The following CDH2 variants were observed in gnomAD, a reference collection of about 807,000 sequenced individuals.
The protein encoded by CDH2 is cadherin-2.
A neutral mutation model predicts 92.0 loss-of-function variants in CDH2; 17 were observed. The observed-to-expected ratio is 0.18, with a 90% CI of 0.13 to 0.28. The LOEUF is 0.28. Ranked by LOEUF, CDH2 falls within the 10% of genes least tolerant of loss-of-function variation. The probability of loss-of-function intolerance (pLI) is 1.00; values close to 1 mark genes in which losing one functional copy is unlikely to be tolerated. For synonymous variants in CDH2, 419 were observed against 415.9 expected (o/e 1.01, Z -0.09); for missense variants, 862 against 1,133.1 (o/e 0.76, Z 3.44).
intron 4 of CDH2, among the ~76,000 whole-genome samples, chr18:28,011,189 G>T (rs190567368): frequency 4.1e-4 from 62 of 151,924 alleles, no homozygotes; most frequent in African/African-American, 1.4e-3. Flanking sequence ...GAATACAGCA[G>T]CCTTGTCTTA....
At chr18:28,121,235 T>G (rs1024584521) in intron 2 of CDH2, among the ~76,000 whole-genome samples, 1 of 152,122 alleles carries the variant, frequency 6.6e-6, no homozygotes, top group South Asian at 2.1e-4. Context: ...ACAAATGACA[T>G]GAGAAAACAT....
intron 2 of CDH2, among the ~76,000 whole-genome samples, chr18:28,104,205 G>C (rs1288406473): frequency 6.6e-6 from 1 of 151,902 alleles, no homozygotes; most frequent in Non-Finnish European, 1.5e-5. Context: ...AATTTCTTTA[G>C]GTTCTCTAAC....
downstream of CDH2, among the ~76,000 whole-genome samples, chr18:27,947,758 GTAAGTATATGTGATA>G (rs1403237008): frequency 1.4e-3 from 75 of 53,214 alleles, 1 homozygote; most frequent in African/African-American, 3.9e-3. Flanking sequence ...TGTATATGAT[GTAAGTATATGTGATA>G]TAAGTATATG....
intron 11 of CDH2, among the ~76,000 whole-genome samples, chr18:27,988,140 C>T (rs979867583): frequency 6.6e-6 from 1 of 151,980 alleles, no homozygotes; most frequent in African/African-American, 2.4e-5. Flanking sequence ...CAGACAGAGG[C>T]AGAGAATTAT....
At chr18:27,957,828 T>C (rs1268036643) in intron 15 of CDH2, among the ~76,000 whole-genome samples, 1 of 152,196 alleles carries the variant, frequency 6.6e-6, no homozygotes, top group Non-Finnish European at 1.5e-5. Context: ...GAACTGAACA[T>C]ATCAAGGCCA....
At chr18:27,947,894 C>A (rs1909315544), downstream of CDH2, among the ~76,000 whole-genome samples, 1 of 150,538 alleles carries the variant, frequency 6.6e-6, no homozygotes, top group Non-Finnish European at 1.5e-5. Flanking sequence ...AAGTTTTTAA[C>A]AAGTAGTGTT....
rs17469343 is a variant in CDH2 at position 28,163,418 on chromosome 18, T to A, written c.60+13545A>T. Among the ~76,000 whole-genome samples the A allele has an allele frequency of 4.2e-3, 647 of 152,304 alleles. 2 individuals are homozygous for A. The highest frequency in any genetic ancestry group is 7.3e-3 in the Non-Finnish European group (498 of 68,040). ...CCTGGGAGTCTGCCAGACAGGCAAA[T>A]TCTCAGGCTCTACTGTAGGCTTACT... On this transcript the variant is annotated intron_variant, in intron 1 of 15. Transcript: ENST00000269141.
chr18:28,088,160 T>G (rs1039239503), intron 2 of CDH2, among the ~76,000 whole-genome samples: 5 of 152,254 alleles, frequency 3.3e-5, no homozygotes, highest in African/African-American at 1.2e-4. Flanking sequence ...TAACACTACA[T>G]TGACAAAAAC....
chr18:27,985,247 G>GA lies in CDH2; in HGVS notation c.1976-15dup, dbSNP rs1567949888. ...GAGCAAAATCACCTATATGAAAAAG[G>GA]AAAAACATAGTTTGATAGGTAATAC... On this transcript the variant is annotated splice_polypyrimidine_tract_variant and intron_variant, in intron 12 of 15. Coordinates refer to ENST00000269141, the MANE Select transcript of CDH2 (RefSeq NM_001792.5). The GA allele has an allele frequency of 6.9e-7, 1 of 1,452,242 alleles. No individual in the cohort carries two copies. The highest frequency in any genetic ancestry group is 9.6e-7 in the Non-Finnish European group (1 of 1,036,724). 90.0% of individuals were successfully genotyped at this position (1,452,242 alleles called of 1,614,324 possible).
chr18:28,111,036 T>C lies in CDH2; in HGVS notation c.172+36637A>G, dbSNP rs549105534. ...CCAGCCATCGGTCTGTGCAGAGTCA[T>C]GGAAGATGGGCCTTCTTGCTCAGTG... On this transcript the variant is annotated intron_variant, in intron 2 of 15. Coordinates refer to ENST00000269141, the MANE Select transcript of CDH2 (RefSeq NM_001792.5). Among the ~76,000 whole-genome samples, 4 of 152,310 alleles carry C rather than the reference T, an allele frequency of 2.6e-5. No individual in the cohort carries two copies. In the South Asian group the frequency reaches 8.3e-4, roughly 32 times the overall value.
chr18:28,052,425 G>A (rs900278198), intron 2 of CDH2, among the ~76,000 whole-genome samples: 2 of 152,128 alleles, frequency 1.3e-5, no homozygotes, highest in Admixed American at 6.6e-5. Context: ...CTTTGTCATT[G>A]AAGAGTATAC....
chr18:27,953,307 T>C (rs1217906040), intron 15 of CDH2, among the ~76,000 whole-genome samples: 2 of 152,178 alleles, frequency 1.3e-5, no homozygotes, highest in Admixed American at 6.6e-5. Context: ...CTTTTTAATA[T>C]ACAATTAGAG....
chr18:28,152,432 A>T (rs1251194885), intron 1 of CDH2, among the ~76,000 whole-genome samples: 5 of 152,210 alleles, frequency 3.3e-5, no homozygotes, highest in African/African-American at 1.2e-4. Context: ...TGCAGAGGAT[A>T]TGAGCAAAGC....
chr18:28,038,981 G>T (rs1196801317), intron 2 of CDH2, among the ~76,000 whole-genome samples: 1 of 152,096 alleles, frequency 6.6e-6, no homozygotes, highest in Non-Finnish European at 1.5e-5. Context: ...TGAAGATTTG[G>T]CAATTTCTTG....
chr18:27,982,732 G>GTT (rs147482796), intron 14 of CDH2, among the ~76,000 whole-genome samples: 3 of 136,612 alleles, frequency 2.2e-5, no homozygotes. Flanking sequence ...GAAACAAGGT[G>GTT]TTTTTTTTTT....
At chr18:28,043,890 A>AG (rs2014013411) in intron 2 of CDH2, among the ~76,000 whole-genome samples, 39 of 91,468 alleles carry the variant, frequency 4.3e-4, no homozygotes, top group African/African-American at 1.5e-3. Flanking sequence ...AGAATCTCGG[A>AG]TTTTTTTTTT....
intron 1 of CDH2, among the ~76,000 whole-genome samples, chr18:28,162,640 G>T (rs1300639834): frequency 6.6e-6 from 1 of 152,156 alleles, no homozygotes; most frequent in Non-Finnish European, 1.5e-5. Flanking sequence ...TCCTCCTTTA[G>T]GCAACAATCC....
chr18:28,106,945 T>A (rs1395362222), intron 2 of CDH2, among the ~76,000 whole-genome samples: 1 of 152,136 alleles, frequency 6.6e-6, no homozygotes, highest in Non-Finnish European at 1.5e-5. Flanking sequence ...CTGGCACTGA[T>A]TAAATACATA....
intron 2 of CDH2, among the ~76,000 whole-genome samples, chr18:28,142,823 T>C (rs1332788729): frequency 6.6e-6 from 1 of 151,954 alleles, no homozygotes; most frequent in Non-Finnish European, 1.5e-5. Flanking sequence ...AAAATAAAAA[T>C]ATACATAAAA....
Sources: gnomAD v4.1 joint callset for allele counts (sites outside exome capture counted in the v4.1 genomes callset) on GRCh38, gnomAD v4.1.1 for gene constraint, MANE v1.5 for transcripts, NCBI Gene and HGNC (gene_info 2026-07-23, HGNC 2026-07-21) for gene names.